The following FUCA1 variants were observed in gnomAD, a reference collection of about 807,000 sequenced individuals.
The protein encoded by FUCA1 is alpha-L-fucosidase 1.
Under a neutral mutation model 56.8 loss-of-function variants are expected in FUCA1, and 52 were observed. That is an observed-to-expected ratio of 0.92 (90% CI 0.73 to 1.15). The LOEUF is 1.15. Among genes scored for constraint, FUCA1 ranks in the 50% most tolerant of loss-of-function variants. The probability of loss-of-function intolerance (pLI) is 0.00; values close to 1 mark genes in which losing one functional copy is unlikely to be tolerated. For missense variants in FUCA1, 568 were observed against 592.6 expected, an observed-to-expected ratio of 0.96 and a Z score of 0.43; for synonymous variants, 230 against 226.6, an observed-to-expected ratio of 1.02 and a Z score of -0.14.
At chr1:23,858,527 A>AC (rs1639442007) in intron 4 of FUCA1, among the ~76,000 whole-genome samples, 2 of 152,232 alleles carry the variant, frequency 1.3e-5, no homozygotes, top group African/African-American at 4.8e-5. Flanking sequence ...GTACGCTAAA[A>AC]TACAAACTGT....
chr1:23,868,080 C>T lies in FUCA1; in HGVS notation c.207G>A (p.Val69=). 6.2e-7 allele frequency: 1 copy of T among 1,611,652 alleles called. No individual in the cohort carries two copies. The highest frequency in any genetic ancestry group is 2.2e-5 in the East Asian group (1 of 44,844). The change falls in exon 1 of 8, where the codon GTG becomes GTA. Residue 69 remains valine, a synonymous_variant. Transcript: ENST00000374479. The part of the protein sequence containing the change: ...GVFIHWGVFS[V]PAWGSEWFWW... ...AGAACCACTCGCTGCCCCAGGCGGGCACCGAGAACACGCCCCAGTGGATGA... is the reference window on the plus strand; with the variant it reads ...AGAACCACTCGCTGCCCCAGGCGGGTACCGAGAACACGCCCCAGTGGATGA...
chr1:23,868,086 G>C lies in FUCA1; in HGVS notation c.201C>G (p.Phe67Leu). 6.2e-7 allele frequency: 1 copy of C among 1,611,842 alleles called. No individual in the cohort carries two copies. Among genetic ancestry groups the C allele is most frequent in the Non-Finnish European group, 8.5e-7 (1 of 1,179,594 alleles). Residue 67 changes from phenylalanine to leucine, a missense_variant, in exon 1 of 8, where the codon TTC becomes TTG. By Grantham distance (22) the Phe-to-Leu change is conservative. Transcript: ENST00000374479. The stretch of plus-strand genomic sequence containing the variant: ...ACTCGCTGCCCCAGGCGGGCACCGA[G>C]AACACGCCCCAGTGGATGAACACCC... ...KFGVFIHWGV[F>L]SVPAWGSEWF...
At chr1:23,852,100 T>TAATAAA (rs370893792) in intron 5 of FUCA1, among the ~76,000 whole-genome samples, 12 of 149,778 alleles carry the variant, frequency 8.0e-5, no homozygotes, top group East Asian at 5.9e-4. Context: ...ATAATAATAA[T>TAATAAA]AAAAAGTGGT....
At chr1:23,845,944 G>A in intron 7 of FUCA1, 89 bp from the exon 8 acceptor site, 1 of 1,563,346 alleles carries the variant, frequency 6.4e-7, no homozygotes, top group Non-Finnish European at 8.8e-7. Context: ...CAGCCACGCT[G>A]GGCCAGGGCA....
At chr1:23,850,631 G>GCA (rs1639236343) in intron 5 of FUCA1, among the ~76,000 whole-genome samples, 1 of 151,908 alleles carries the variant, frequency 6.6e-6, no homozygotes, top group East Asian at 1.9e-4. Flanking sequence ...TTATAGGCAT[G>GCA]TGCCACCACG....
At chr1:23,853,521 T>C (rs1249974244) in intron 5 of FUCA1, among the ~76,000 whole-genome samples, 2 of 151,280 alleles carry the variant, frequency 1.3e-5, no homozygotes, top group Non-Finnish European at 3.0e-5. Flanking sequence ...TACTGGGAAG[T>C]GAGGAGCCCC....
At chr1:23,846,753 T>G (rs1196268836) in intron 6 of FUCA1, among the ~76,000 whole-genome samples, 1 of 152,138 alleles carries the variant, frequency 6.6e-6, no homozygotes, top group Non-Finnish European at 1.5e-5. Context: ...TGCTAATTTT[T>G]GTATTTTTAG....
Position 23,863,410 on chromosome 1 carries a change from C to A in FUCA1, c.525-139G>T, listed in dbSNP as rs113797647. On this transcript the variant is annotated intron_variant, in intron 2 of 7. Coordinates refer to ENST00000374479, the MANE Select transcript of FUCA1 (RefSeq NM_000147.5). ...TATAGAGAGGAATGGGATCCAAAACCATTTCCTTAAATTATTCACTATTCA... is the reference window on the plus strand; with the variant it reads ...TATAGAGAGGAATGGGATCCAAAACAATTTCCTTAAATTATTCACTATTCA... 4.7e-5 allele frequency: 38 copies of A among 815,826 alleles called. 1 individual carries two copies. Among genetic ancestry groups the A allele is most frequent in the African/African-American group, 3.6e-4 (21 of 57,938 alleles). 50.5% of individuals were successfully genotyped at this position (815,826 alleles called of 1,614,324 possible). A position where few individuals can be genotyped will look rare whatever the true frequency, so the allele number is the denominator to read the frequency against.
chr1:23,848,877 T>C (rs753611987), intron 5 of FUCA1, 38 bp from the exon 6 acceptor site: 3 of 1,547,476 alleles, frequency 1.9e-6, no homozygotes, highest in Non-Finnish European at 2.7e-6. Context: ...TAGCTATGAA[T>C]GCCAAGCCTG....
At chr1:23,859,050 G>A (rs927933067) in intron 4 of FUCA1, among the ~76,000 whole-genome samples, 1 of 151,976 alleles carries the variant, frequency 6.6e-6, no homozygotes, top group Non-Finnish European at 1.5e-5. Context: ...CCAAAGTGCT[G>A]GGATTACAGG....
intron 5 of FUCA1, among the ~76,000 whole-genome samples, chr1:23,852,531 A>G (rs2148441196): frequency 6.6e-6 from 1 of 150,972 alleles, no homozygotes; most frequent in African/African-American, 2.4e-5. Context: ...GCCGAGCCGA[A>G]GCTGGACTGT....
rs75337407 is a variant in FUCA1, at chr1:23,848,879, C to T, written c.970-40G>A. On this transcript the variant is annotated intron_variant, in intron 5 of 7. Transcript: ENST00000374479. Reference sequence around the variant, plus strand: ...AACAATGAAAGTCTAGCTATGAATGCCAAGCCTGGCATCATGCTTAAAATA... The same window carrying T: ...AACAATGAAAGTCTAGCTATGAATGTCAAGCCTGGCATCATGCTTAAAATA... 1,445 of 1,533,786 alleles carry T rather than the reference C, an allele frequency of 9.4e-4. 13 individuals carry two copies. In the African/African-American group the frequency reaches 0.018, roughly 19 times the overall value.
intron 6 of FUCA1, among the ~76,000 whole-genome samples, 160 bp from the exon 7 acceptor site, chr1:23,846,333 G>A (rs948924561): frequency 6.7e-6 from 1 of 148,696 alleles, no homozygotes; most frequent in Non-Finnish European, 1.5e-5. Flanking sequence ...GTGCAATGGT[G>A]TGATGTTGGC....
In FUCA1 at chr1:23,868,000, T is replaced by C. The variant is rs373805274; in HGVS notation, c.287A>G (p.Asn96Ser). The C allele has an allele frequency of 1.2e-5, 20 of 1,605,638 alleles. No individual in the cohort carries two copies. Among genetic ancestry groups the C allele is most frequent in the Non-Finnish European group, 1.5e-5 (18 of 1,177,206 alleles). ...RPQYQRFMRDNYPPGFSYADF... is the reference protein window; with the variant it reads ...RPQYQRFMRDSYPPGFSYADF... ...GGCGTAGCTGAAGCCGGGCGGGTAG[T>C]TGTCGCGCATGAAGCGCTGGTACTG... Residue 96 changes from asparagine (N) to serine (S), a missense_variant, in exon 1 of 8, where the codon AAC becomes AGC. By Grantham distance (46) the Asn-to-Ser change is conservative. Coordinates refer to ENST00000374479, the MANE Select transcript of FUCA1 (RefSeq NM_000147.5). The surrounding 1 kb of genome is among the most constrained non-coding windows in gnomAD (Gnocchi z 4.9).
chr1:23,864,546 T>C (rs16828763), intron 2 of FUCA1, among the ~76,000 whole-genome samples: 50 of 152,278 alleles, frequency 3.3e-4, no homozygotes, highest in African/African-American at 1.2e-3. Flanking sequence ...TATTTCATCA[T>C]ATGACCCAGG....
intron 5 of FUCA1, among the ~76,000 whole-genome samples, chr1:23,851,329 A>C (rs1220728691): frequency 6.6e-6 from 1 of 152,060 alleles, no homozygotes; most frequent in Non-Finnish European, 1.5e-5. Context: ...GCACCACTGC[A>C]CTCTAGCCTG....
chr1:23,854,930 A>C (rs1474624243), intron 4 of FUCA1, among the ~76,000 whole-genome samples: 1 of 152,206 alleles, frequency 6.6e-6, no homozygotes, highest in Non-Finnish European at 1.5e-5. Flanking sequence ...CATCTGGTAA[A>C]TCACTTTTTC....
At position 23,845,814 on chromosome 1, in the gene FUCA1, T is replaced by G. The variant is rs1366880562; in HGVS notation, c.1302A>C (p.Thr434=). ...AGATGAAGAGACCTTTATCTGGATC[T>G]GTGGACCACTTCAGATCTCCTTGAA... ...LGIQGDLKWS[T]DPDKGLFISL... The change falls in exon 8 of 8, where the codon ACA becomes ACC. Residue 434 remains threonine, a synonymous_variant. Transcript: ENST00000374479. 1.2e-6 allele frequency: 2 copies of G among 1,614,050 alleles called. No homozygotes were observed. The highest frequency in any genetic ancestry group is 2.2e-5 in the East Asian group (1 of 44,896).
At chr1:23,849,313 T>C (rs979096684) in intron 5 of FUCA1, among the ~76,000 whole-genome samples, 1 of 152,088 alleles carries the variant, frequency 6.6e-6, no homozygotes, top group Non-Finnish European at 1.5e-5. Context: ...TATATATTTT[T>C]GTCACTATAA....
Sources: allele counts gnomAD v4.1 joint callset (sites outside exome capture counted in the v4.1 genomes callset), GRCh38; gene constraint gnomAD v4.1.1; non-coding constraint Gnocchi (gnomAD v3.1); transcripts MANE v1.5; gene names NCBI Gene and HGNC (gene_info 2026-07-23, HGNC 2026-07-21).